Variants in HACD1 observed in about 807,000 individuals in gnomAD.
The protein encoded by HACD1 is 3-hydroxyacyl-CoA dehydratase 1.
A neutral mutation model predicts 32.0 loss-of-function variants in HACD1; 41 were observed. The observed-to-expected ratio is 1.28, with a 90% CI of 1.00 to 1.66. HACD1 has a LOEUF of 1.66. Among genes scored for constraint, HACD1 ranks in the 40% most tolerant of loss-of-function variants. The pLI, the probability that HACD1 is intolerant of heterozygous loss-of-function variation, is 0.00. For missense variants in HACD1, 396 were observed against 380.1 expected (o/e 1.04, Z -0.35); for synonymous variants, 142 against 139.0 (o/e 1.02, Z -0.15).
At chr10:17,605,246 C>T (rs1412057778) in intron 1 of HACD1, among the ~76,000 whole-genome samples, 8 of 151,538 alleles carry the variant, frequency 5.3e-5, no homozygotes, top group South Asian at 4.2e-4. Context: ...TAAGATGGGC[C>T]GGGTGCAGTG....
At chr10:17,602,724 T>A (rs1834088562) in intron 4 of HACD1, among the ~76,000 whole-genome samples, 1 of 152,164 alleles carries the variant, frequency 6.6e-6, no homozygotes, top group Non-Finnish European at 1.5e-5. Flanking sequence ...TGCTATTAAC[T>A]ATAGTCACTA....
chr10:17,606,531 A>C (rs1834151260), intron 1 of HACD1, among the ~76,000 whole-genome samples: 1 of 152,214 alleles, frequency 6.6e-6, no homozygotes, highest in Non-Finnish European at 1.5e-5. Context: ...TATGAAATAT[A>C]AAATTATCAT....
chr10:17,602,125 A>G (rs1554816577), intron 4 of HACD1, among the ~76,000 whole-genome samples: 2 of 148,608 alleles, frequency 1.3e-5, no homozygotes, highest in Non-Finnish European at 3.0e-5. Flanking sequence ...ACTGGAGTGC[A>G]GTGGTGCGAT....
intron 6 of HACD1, 88 bp downstream of exon 6, chr10:17,594,117 C>A (rs1434317168): frequency 4.4e-5 from 50 of 1,140,434 alleles, no homozygotes; most frequent in Non-Finnish European, 5.4e-5. Context: ...GCAATTATTT[C>A]TAATTATTTC....
Position 17,594,758 on chromosome 10 carries a change from A to AC in HACD1, c.606-376dup, listed in dbSNP as rs1833973067. 2.6e-5 allele frequency among the ~76,000 whole-genome samples: 4 copies of AC among 151,454 alleles called. No homozygotes were observed. In the South Asian group the frequency reaches 8.3e-4, roughly 32 times the overall value. On this transcript the variant is annotated intron_variant, in intron 5 of 6. Coordinates refer to ENST00000361271, the MANE Select transcript of HACD1 (RefSeq NM_014241.4). Reference sequence around the variant, plus strand: ...ACAGTCTTGGCTCACTGCAACCTCCACCTCCTGGGTTCAAGTAATTCTCCT... The same window carrying AC: ...ACAGTCTTGGCTCACTGCAACCTCCACCCTCCTGGGTTCAAGTAATTCTCCT...
rs1232936069 is a variant in HACD1 at position 17,590,203 on chromosome 10, A to G, written c.*161T>C. 4 of 470,464 alleles carry G rather than the reference A, an allele frequency of 8.5e-6. No homozygotes were observed. Among genetic ancestry groups the G allele is most frequent in the Non-Finnish European group, 1.1e-5 (3 of 266,748 alleles). The allele number at this position is 470,464 out of a possible 1,614,324, so 29.1% of individuals were successfully genotyped here. A position where few individuals can be genotyped will look rare whatever the true frequency, so the allele number is the denominator to read the frequency against. ...TTCTTGTAAAAAATAGATCTGGCAC[A>G]AGAGGAACACAAATACTGGCAAATA... On this transcript the variant is annotated 3_prime_UTR_variant, in exon 7 of 7. Coordinates refer to ENST00000361271, the MANE Select transcript of HACD1 (RefSeq NM_014241.4).
At chr10:17,616,980 G>T (rs1036083389) in intron 1 of HACD1, 103 bp downstream of exon 1, 2 of 1,146,250 alleles carry the variant, frequency 1.7e-6, no homozygotes, top group African/African-American at 3.3e-5. Flanking sequence ...GCCGCTGCCC[G>T]CACCCCCCGC....
At chr10:17,591,310 G>A (rs921197781) in intron 6 of HACD1, among the ~76,000 whole-genome samples, 3 of 152,088 alleles carry the variant, frequency 2.0e-5, no homozygotes, top group Non-Finnish European at 4.4e-5. Flanking sequence ...ATGGATCAAC[G>A]AAGAAGCCTG....
chr10:17,608,823 T>G (rs1834185714), intron 1 of HACD1, among the ~76,000 whole-genome samples: 1 of 152,184 alleles, frequency 6.6e-6, no homozygotes, highest in Non-Finnish European at 1.5e-5. Flanking sequence ...ACCTCTAAAC[T>G]GCCTTTTCTA....
intron 4 of HACD1, among the ~76,000 whole-genome samples, chr10:17,599,771 G>A (rs1209750142): frequency 6.6e-6 from 1 of 152,138 alleles, no homozygotes; most frequent in Non-Finnish European, 1.5e-5. Flanking sequence ...CGCTTGAATT[G>A]CTCACTCATC....
intron 1 of HACD1, among the ~76,000 whole-genome samples, chr10:17,613,876 G>C (rs1554817752): frequency 6.6e-6 from 1 of 151,702 alleles, no homozygotes; most frequent in Non-Finnish European, 1.5e-5. Context: ...GCAGAGCGCT[G>C]TGAAAATACA....
intron 1 of HACD1, among the ~76,000 whole-genome samples, chr10:17,604,777 C>T (rs914759186): frequency 6.6e-6 from 1 of 152,180 alleles, no homozygotes; most frequent in Non-Finnish European, 1.5e-5. Flanking sequence ...GCAGTCTTGC[C>T]TCACTGCTGC....
In HACD1 at chr10:17,610,999, C is replaced by CT. The variant is rs71393021; in HGVS notation, c.257+6083dup. On this transcript the variant is annotated intron_variant, in intron 1 of 6. Coordinates refer to ENST00000361271, the MANE Select transcript of HACD1 (RefSeq NM_014241.4). ...CCCACTCTACACTTCAGGTCCTCTT[C>CT]TTTTTTTTTTTTTTTTTTTTTGAGA... Among the ~76,000 whole-genome samples the CT allele has an allele frequency of 5.8e-3, 596 of 102,996 alleles. 10 individuals are homozygous for CT. The highest frequency in any genetic ancestry group is 9.5e-3 in the African/African-American group (236 of 24,782). 67.6% of individuals were successfully genotyped at this position (102,996 alleles called of 152,430 possible). A position where few individuals can be genotyped will look rare whatever the true frequency, so the allele number is the denominator to read the frequency against.
At chr10:17,592,232 T>C (rs1187025834) in intron 6 of HACD1, among the ~76,000 whole-genome samples, 1 of 151,954 alleles carries the variant, frequency 6.6e-6, no homozygotes, top group Non-Finnish European at 1.5e-5. Flanking sequence ...TCCTCCCACC[T>C]TGGCCTCCCA....
At chr10:17,608,390 C>T (rs1372065990) in intron 1 of HACD1, among the ~76,000 whole-genome samples, 1 of 152,170 alleles carries the variant, frequency 6.6e-6, no homozygotes, top group Non-Finnish European at 1.5e-5. Context: ...ATTATTTCAA[C>T]AATCATTGAA....
chr10:17,608,837 A>C (rs548540407), intron 1 of HACD1, among the ~76,000 whole-genome samples: 2 of 152,298 alleles, frequency 1.3e-5, no homozygotes, highest in African/African-American at 4.8e-5. Context: ...TTTTCTAGAT[A>C]AAAGTTATAC....
At chr10:17,607,074 TA>T (rs1476901528) in intron 1 of HACD1, among the ~76,000 whole-genome samples, 1 of 152,204 alleles carries the variant, frequency 6.6e-6, no homozygotes, top group African/African-American at 2.4e-5. Flanking sequence ...ATTTACATTA[TA>T]AATATATTTT....
intron 1 of HACD1, 137 bp from the exon 2 acceptor site, chr10:17,604,184 C>G: frequency 1.6e-6 from 1 of 639,660 alleles, no homozygotes; most frequent in Non-Finnish European, 2.7e-6. Context: ...TGAATGGATA[C>G]TTGAAATGTG....
At chr10:17,600,760 G>A (rs1188336890) in intron 4 of HACD1, among the ~76,000 whole-genome samples, 1 of 152,136 alleles carries the variant, frequency 6.6e-6, no homozygotes, top group South Asian at 2.1e-4. Context: ...AAGCCTTCTT[G>A]CACTCCCTAC....
Sources: allele counts gnomAD v4.1 joint callset (sites outside exome capture counted in the v4.1 genomes callset), GRCh38; gene constraint gnomAD v4.1.1; transcripts MANE v1.5; gene names NCBI Gene and HGNC (gene_info 2026-07-23, HGNC 2026-07-21).